The following GNG12 variants were observed in gnomAD, a reference collection of about 807,000 sequenced individuals.
The protein encoded by GNG12 is G protein subunit gamma 12, also known as guanine nucleotide-binding protein G(I)/G(S)/G(O) subunit gamma-12.
For synonymous variants in GNG12, 28 were observed against 29.7 expected, an observed-to-expected ratio of 0.94 and a Z score of 0.19; for missense variants, 69 against 83.8, an observed-to-expected ratio of 0.82 and a Z score of 0.69.
At chr1:67,735,351 A>C (rs1646447017) in intron 2 of GNG12, among the ~76,000 whole-genome samples, 1 of 152,198 alleles carries the variant, frequency 6.6e-6, no homozygotes, top group Non-Finnish European at 1.5e-5. Flanking sequence ...TTTGCACATA[A>C]AAATATTTTC....
At chr1:67,727,657 G>T (rs772244343) in intron 2 of GNG12, among the ~76,000 whole-genome samples, 1 of 152,176 alleles carries the variant, frequency 6.6e-6, no homozygotes, top group Non-Finnish European at 1.5e-5. Flanking sequence ...CCACATCTTT[G>T]TATGTCCCTT....
rs889913695 is a variant in GNG12, at chr1:67,705,019, T to C, written c.*432A>G. 6.4e-6 allele frequency: 1 copy of C among 156,810 alleles called. No individual in the cohort carries two copies. Among genetic ancestry groups the C allele is most frequent in the Non-Finnish European group, 1.4e-5 (1 of 71,216 alleles). The allele number at this position is 156,810 out of a possible 1,614,324, so 9.7% of individuals were successfully genotyped here. ...TACACACAAACACCCCTCTCTCTTATATACTATACAGGCTGGCACACGCCT... is the reference window on the plus strand; with the variant it reads ...TACACACAAACACCCCTCTCTCTTACATACTATACAGGCTGGCACACGCCT... On this transcript the variant is annotated 3_prime_UTR_variant, in exon 4 of 4. Coordinates refer to ENST00000370982, the MANE Select transcript of GNG12 (RefSeq NM_018841.6).
intron 2 of GNG12, among the ~76,000 whole-genome samples, chr1:67,727,266 C>T (rs1002726331): frequency 3.9e-5 from 6 of 152,276 alleles, no homozygotes; most frequent in African/African-American, 1.4e-4. Flanking sequence ...TCACAGGAGA[C>T]CAGTATTTAG....
At chr1:67,712,356 C>A (rs1646300414) in intron 2 of GNG12, among the ~76,000 whole-genome samples, 1 of 152,174 alleles carries the variant, frequency 6.6e-6, no homozygotes, top group Non-Finnish European at 1.5e-5. Flanking sequence ...TGAAAGGTTT[C>A]TTATTAGATG....
chr1:67,735,178 G>GCCT (rs1646445998), intron 2 of GNG12, among the ~76,000 whole-genome samples: 1 of 152,066 alleles, frequency 6.6e-6, no homozygotes, highest in African/African-American at 2.4e-5. Flanking sequence ...CAATTTAATA[G>GCCT]GTATATATTG....
intron 2 of GNG12, among the ~76,000 whole-genome samples, chr1:67,765,862 A>T (rs1442599985): frequency 2.0e-5 from 3 of 152,170 alleles, no homozygotes; most frequent in Non-Finnish European, 4.4e-5. Flanking sequence ...CCTGCTTTCT[A>T]GTGGGCTTTA....
At chr1:67,725,836 A>G (rs540858710) in intron 2 of GNG12, among the ~76,000 whole-genome samples, 43 of 152,360 alleles carry the variant, frequency 2.8e-4, no homozygotes, top group African/African-American at 1.0e-3. Flanking sequence ...AATTTCTCAG[A>G]AATATTATTT....
At chr1:67,743,237 T>A (rs949638768) in intron 2 of GNG12, among the ~76,000 whole-genome samples, 1 of 152,202 alleles carries the variant, frequency 6.6e-6, no homozygotes, top group African/African-American at 2.4e-5. Flanking sequence ...TCTAGTGTTT[T>A]AGGAATTTGA....
At chr1:67,741,035 A>T (rs11801839) in intron 2 of GNG12, among the ~76,000 whole-genome samples, 4,859 of 152,256 alleles carry the variant, frequency 0.032, 227 homozygotes, top group African/African-American at 0.1. Flanking sequence ...ATTCCCCAAA[A>T]CTATTCTTCC....
At chr1:67,768,723 T>A (rs1646655512) in intron 2 of GNG12, among the ~76,000 whole-genome samples, 1 of 152,194 alleles carries the variant, frequency 6.6e-6, no homozygotes, top group Non-Finnish European at 1.5e-5. Flanking sequence ...ATGTTCAAAG[T>A]GTCTCAATAG....
In GNG12 at chr1:67,827,574, C is replaced by T. The variant is rs750021437; in HGVS notation, c.-77+5770G>A. ...CCAAGTAGCTGGGACTACAGGCGACCGCCACCACGCCCGGCTAATTTTTTG... is the reference window on the plus strand; with the variant it reads ...CCAAGTAGCTGGGACTACAGGCGACTGCCACCACGCCCGGCTAATTTTTTG... On this transcript the variant is annotated intron_variant, in intron 1 of 3. Coordinates refer to ENST00000370982, the MANE Select transcript of GNG12 (RefSeq NM_018841.6). Among the ~76,000 whole-genome samples, 5 of 152,158 alleles carry T rather than the reference C, an allele frequency of 3.3e-5. No homozygotes were observed. The South Asian group carries it at 6.2e-4, about 19-fold the overall frequency.
At chr1:67,819,155 C>T (rs1475063138) in intron 1 of GNG12, among the ~76,000 whole-genome samples, 1 of 151,902 alleles carries the variant, frequency 6.6e-6, no homozygotes, top group East Asian at 1.9e-4. Context: ...AGGAGGTGGA[C>T]CCAGGCTTTA....
intron 1 of GNG12, among the ~76,000 whole-genome samples, chr1:67,832,127 G>T (rs115608989): frequency 6.6e-6 from 1 of 152,166 alleles, no homozygotes; most frequent in Non-Finnish European, 1.5e-5. Context: ...AAGACAGCAG[G>T]GGGGAGAGGA....
At chr1:67,798,557 C>G (rs1006379881) in intron 1 of GNG12, among the ~76,000 whole-genome samples, 2 of 152,124 alleles carry the variant, frequency 1.3e-5, no homozygotes, top group African/African-American at 4.8e-5. Flanking sequence ...CTCTGCCACC[C>G]CGAGACAGCG....
chr1:67,758,180 G>C (rs531534919), intron 2 of GNG12, among the ~76,000 whole-genome samples: 1 of 152,116 alleles, frequency 6.6e-6, no homozygotes, highest in Non-Finnish European at 1.5e-5. Flanking sequence ...CACCATGTTG[G>C]CCAGGCTGGT....
At chr1:67,737,462 C>G (rs897442171) in intron 2 of GNG12, among the ~76,000 whole-genome samples, 1 of 152,110 alleles carries the variant, frequency 6.6e-6, no homozygotes, top group Non-Finnish European at 1.5e-5. Context: ...GTCAAGAAAC[C>G]GAGGGTCTAT....
At chr1:67,753,294 C>T (rs567540398) in intron 2 of GNG12, among the ~76,000 whole-genome samples, 41 of 151,568 alleles carry the variant, frequency 2.7e-4, no homozygotes, top group African/African-American at 8.5e-4. Flanking sequence ...TGCTTACTGA[C>T]GCATTTCAAA....
At chr1:67,778,270 T>C (rs1646717897) in intron 1 of GNG12, among the ~76,000 whole-genome samples, 1 of 152,128 alleles carries the variant, frequency 6.6e-6, no homozygotes, top group African/African-American at 2.4e-5. Flanking sequence ...CAAGATATTT[T>C]ACTTTTTTTA....
rs182094334 is a variant in GNG12, at chr1:67,722,247, T to C, written c.-26-14535A>G. 2.3e-3 allele frequency among the ~76,000 whole-genome samples: 351 copies of C among 152,262 alleles called. 2 individuals are homozygous for C. Among genetic ancestry groups the C allele is most frequent in the African/African-American group, 8.0e-3 (332 of 41,550 alleles). On this transcript the variant is annotated intron_variant, in intron 2 of 3. Transcript: ENST00000370982. ...AAATTCCTAGGGAGCCATTCCTCTG[T>C]GTTGAGTTGTGTCAGCTTCTTGAAG... is the stretch of plus-strand genomic sequence containing the variant.
Sources: allele counts gnomAD v4.1 joint callset (sites outside exome capture counted in the v4.1 genomes callset), GRCh38; gene constraint gnomAD v4.1.1; transcripts MANE v1.5; gene names NCBI Gene and HGNC (gene_info 2026-07-23, HGNC 2026-07-21).